Variants in SAMMSON observed in about 807,000 individuals in gnomAD.
SAMMSON encodes long intergenic non-protein coding RNA 1212.
chr3:70,124,814 C>CAAAAAAAAAAAAAAAAAAAAAAA (rs1208323683), intron 4 of SAMMSON, among the ~76,000 whole-genome samples: 1 of 53,692 alleles, frequency 1.9e-5, no homozygotes, highest in Non-Finnish European at 3.4e-5. Flanking sequence ...GACTCCATCT[C>CAAAAAAAAAAAAAAAAAAAAAAA]AAAAAAAAAA....
intron 3 of SAMMSON, among the ~76,000 whole-genome samples, chr3:70,051,356 T>C: frequency 6.7e-6 from 1 of 149,738 alleles, no homozygotes; most frequent in Admixed American, 6.6e-5. Context: ...AGGGAAGATG[T>C]TCAGAGTAGC....
chr3:70,296,996 G>A (rs1348138909), intron 7 of SAMMSON, among the ~76,000 whole-genome samples: 2 of 151,492 alleles, frequency 1.3e-5, no homozygotes, highest in South Asian at 2.1e-4. Flanking sequence ...CTCCCCAACC[G>A]CCTCCCCCAC....
At chr3:70,126,896 G>T (rs2067461427) in intron 4 of SAMMSON, 1 of 154,688 alleles carries the variant, frequency 6.5e-6, no homozygotes, top group African/African-American at 2.4e-5. Flanking sequence ...TGTATTTTTA[G>T]TAGAGACGGG....
At chr3:70,408,357 G>T (rs773926798) in intron 2 of SAMMSON, among the ~76,000 whole-genome samples, 4 of 152,148 alleles carry the variant, frequency 2.6e-5, no homozygotes, top group Non-Finnish European at 5.9e-5. Flanking sequence ...ACATTGTCAG[G>T]CTGCACATTT....
intron 3 of SAMMSON, among the ~76,000 whole-genome samples, chr3:70,033,763 A>G (rs532011173): frequency 4.6e-4 from 70 of 152,252 alleles, no homozygotes; most frequent in African/African-American, 1.5e-3. Context: ...AGTAGACTCA[A>G]TGGATTTGGG....
chr3:70,335,521 C>T (rs1048833971), intron 7 of SAMMSON, among the ~76,000 whole-genome samples: 2 of 151,936 alleles, frequency 1.3e-5, no homozygotes, highest in African/African-American at 4.8e-5. Flanking sequence ...TAATTGAACA[C>T]TCTGAAGTTG....
intron 7 of SAMMSON, among the ~76,000 whole-genome samples, chr3:70,313,703 C>T (rs945343173): frequency 6.6e-6 from 1 of 152,118 alleles, no homozygotes; most frequent in African/African-American, 2.4e-5. Flanking sequence ...ATTCCTTTAT[C>T]CATTTCACCT....
At chr3:70,385,686 A>T (rs1357876623) in intron 9 of SAMMSON, among the ~76,000 whole-genome samples, 1 of 152,034 alleles carries the variant, frequency 6.6e-6, no homozygotes, top group Non-Finnish European at 1.5e-5. Context: ...CTACTTGATG[A>T]TGGATGTCAG....
At chr3:70,372,537 T>G (rs964271632) in intron 9 of SAMMSON, among the ~76,000 whole-genome samples, 7 of 152,114 alleles carry the variant, frequency 4.6e-5, no homozygotes, top group Middle Eastern at 3.2e-3. Context: ...TGACCGCAGA[T>G]GATCCACCTG....
At chr3:70,223,661 A>G (rs1295064950) in intron 4 of SAMMSON, among the ~76,000 whole-genome samples, 4 of 152,170 alleles carry the variant, frequency 2.6e-5, no homozygotes, top group Admixed American at 2.0e-4. Flanking sequence ...CATTCCCAAG[A>G]CTTAAGTCTG....
chr3:70,257,121 T>G (rs928382892), intron 6 of SAMMSON, among the ~76,000 whole-genome samples: 1 of 152,218 alleles, frequency 6.6e-6, no homozygotes, highest in Non-Finnish European at 1.5e-5. Flanking sequence ...CCAGCGCTAC[T>G]TTTCTAGAAA....
At chr3:70,230,563 C>G (rs1701548822) in intron 4 of SAMMSON, among the ~76,000 whole-genome samples, 1 of 152,120 alleles carries the variant, frequency 6.6e-6, no homozygotes, top group South Asian at 2.1e-4. Context: ...GGAACTCTCT[C>G]TTGAAATTAC....
At chr3:70,285,296 G>C (rs11505029) in intron 6 of SAMMSON, among the ~76,000 whole-genome samples, 3 of 147,544 alleles carry the variant, frequency 2.0e-5, no homozygotes, top group Non-Finnish European at 3.0e-5. Flanking sequence ...CTATGAGTGA[G>C]AATATGTGGT....
chr3:70,036,113 A>G (rs968769571), intron 3 of SAMMSON, among the ~76,000 whole-genome samples: 1 of 152,158 alleles, frequency 6.6e-6, no homozygotes, highest in Non-Finnish European at 1.5e-5. Flanking sequence ...AAAAGCTTGT[A>G]AATAAGCCAA....
intron 4 of SAMMSON, among the ~76,000 whole-genome samples, chr3:70,229,835 A>C (rs999989870): frequency 1.3e-5 from 2 of 152,176 alleles, no homozygotes; most frequent in Non-Finnish European, 2.9e-5. Flanking sequence ...TTGGAGGTCA[A>C]TATTTGAAAC....
At chr3:70,406,194 C>A (rs376849695) in intron 2 of SAMMSON, among the ~76,000 whole-genome samples, 1 of 152,008 alleles carries the variant, frequency 6.6e-6, no homozygotes. Flanking sequence ...TTAAAATAAA[C>A]AAATACAAGG....
At chr3:70,160,204 CA>C (rs11303853) in intron 4 of SAMMSON, among the ~76,000 whole-genome samples, 20,118 of 149,562 alleles carry the variant, frequency 0.13, 1,444 homozygotes, top group East Asian at 0.24. Flanking sequence ...CATGTTATAT[CA>C]AAAAAAAAAA....
chr3:70,001,904 C>T (rs1445997210), intron 1 of SAMMSON, among the ~76,000 whole-genome samples: 1 of 152,198 alleles, frequency 6.6e-6, no homozygotes, highest in Non-Finnish European at 1.5e-5. Flanking sequence ...CTCCAGGCTC[C>T]TGTCCATTCT....
chr3:70,005,421 T>C (rs998396973), intron 1 of SAMMSON, among the ~76,000 whole-genome samples: 1 of 152,218 alleles, frequency 6.6e-6, no homozygotes, highest in Non-Finnish European at 1.5e-5. Flanking sequence ...ATTGCATCTC[T>C]GAACTTCACC....
Sources: gnomAD v4.1 joint callset for allele counts (sites outside exome capture counted in the v4.1 genomes callset) on GRCh38, gnomAD v4.1.1 for gene constraint, MANE v1.5 for transcripts, NCBI Gene and HGNC (gene_info 2026-07-23, HGNC 2026-07-21) for gene names.